Variants in PCDHA4 observed in about 807,000 individuals in gnomAD.
PCDHA4 encodes protocadherin alpha-4.
Under a neutral mutation model 61.4 loss-of-function variants are expected in PCDHA4, and 49 were observed. The observed-to-expected ratio is 0.80, with a 90% CI of 0.63 to 1.01. The LOEUF is 1.01. Ranked by LOEUF, PCDHA4 falls within the 50% of genes least tolerant of loss-of-function variation. The pLI is 0.00. For synonymous variants in PCDHA4, 590 were observed against 550.3 expected (o/e 1.07, Z -1.01); for missense variants, 1,254 against 1,235.8 (o/e 1.01, Z -0.22).
At chr5:140,838,612 A>G (rs1326287987) in intron 1 of PCDHA4, among the ~76,000 whole-genome samples, 1 of 152,002 alleles carries the variant, frequency 6.6e-6, no homozygotes, top group Non-Finnish European at 1.5e-5. Flanking sequence ...GACTTTTAAA[A>G]ATTTTTTACA....
chr5:140,911,915 G>A (rs553932242), intron 1 of PCDHA4, among the ~76,000 whole-genome samples: 3 of 152,226 alleles, frequency 2.0e-5, no homozygotes, highest in African/African-American at 7.2e-5. Flanking sequence ...CTCTCTAGAG[G>A]ACAGAACTAA....
rs1164204608 is a variant in PCDHA4, at chr5:140,808,096, T to C, written c.909T>C (p.Ile303=). ...FHIDPITGQI[I]VKGYIDFEES... is the part of the protein sequence containing the mutation. ...TAGATCCAATTACTGGACAAATTATTGTAAAGGGATATATTGACTTTGAAG... is the reference window on the plus strand; with the variant it reads ...TAGATCCAATTACTGGACAAATTATCGTAAAGGGATATATTGACTTTGAAG... Residue 303 remains isoleucine (I), a synonymous_variant, in exon 1 of 4, where the codon ATT becomes ATC. Coordinates refer to ENST00000530339, the MANE Select transcript of PCDHA4 (RefSeq NM_018907.4). 4 of 1,613,848 alleles carry C rather than the reference T, an allele frequency of 2.5e-6. No individual in the cohort carries two copies. The highest frequency in any genetic ancestry group is 3.4e-6 in the Non-Finnish European group (4 of 1,179,856).
At chr5:140,812,838 TTAACA>T (rs1299220004) in intron 1 of PCDHA4, 1 of 152,250 alleles carries the variant, frequency 6.6e-6, no homozygotes, top group Non-Finnish European at 1.5e-5. Flanking sequence ...TTTGTTTATC[TTAACA>T]TATTTTCTAA....
chr5:140,993,891 C>G (rs2097585722), intron 3 of PCDHA4, among the ~76,000 whole-genome samples: 1 of 152,096 alleles, frequency 6.6e-6, no homozygotes. Flanking sequence ...CTATGATGTC[C>G]ATACAACAAA....
rs1202247543 is a variant in PCDHA4, at chr5:140,858,682, T to A, written c.2385+49110T>A. On this transcript the variant is annotated intron_variant, in intron 1 of 3. Coordinates refer to ENST00000530339, the MANE Select transcript of PCDHA4 (RefSeq NM_018907.4). Reference sequence around the variant, plus strand: ...AAATAACAATTTATTCTGAATACACTAATATTTTCCAATACAAATATGTGA... The same window carrying A: ...AAATAACAATTTATTCTGAATACACAAATATTTTCCAATACAAATATGTGA... 35 of 617,258 alleles carry A rather than the reference T, an allele frequency of 5.7e-5. 1 individual carries two copies. The East Asian group carries it at 9.7e-4, about 17-fold the overall frequency. 38.2% of individuals were successfully genotyped at this position (617,258 alleles called of 1,614,324 possible).
Position 141,009,910 on chromosome 5 carries a change from C to G in PCDHA4, c.2817C>G (p.Asn939Lys), listed in dbSNP as rs1554262551. ...CCCAGGAGAAAAAAGAGAAAGGGAA[C>G]AGCACGACTGACAACAGTGACCAGT... The part of the protein sequence containing the change: ...NKTQEKKEKG[N>K]STTDNSDQ Residue 939 changes from asparagine to lysine, a missense_variant, in exon 4 of 4, where the codon AAC (asparagine) becomes AAG (lysine). Physicochemically the swap from Asn to Lys is moderately conservative, Grantham distance 94 (BLOSUM62 0). Transcript: ENST00000530339. 28 of 1,612,616 alleles carry G rather than the reference C, an allele frequency of 1.7e-5. No homozygotes were observed. Among genetic ancestry groups the G allele is most frequent in the African/African-American group, 5.4e-5 (4 of 74,736 alleles).
intron 1 of PCDHA4, chr5:140,864,715 T>G (rs540368944): frequency 1.3e-5 from 2 of 152,390 alleles, no homozygotes; most frequent in Non-Finnish European, 2.9e-5. Flanking sequence ...GCTCTTCTAC[T>G]ATTTTGGGAA....
chr5:140,985,930 G>A (rs577670490), intron 3 of PCDHA4, among the ~76,000 whole-genome samples: 1 of 151,914 alleles, frequency 6.6e-6, no homozygotes, highest in East Asian at 1.9e-4. Flanking sequence ...TAGTAGAGCC[G>A]GGGTTTCACT....
At chr5:140,856,264 C>G in intron 1 of PCDHA4, 2 of 1,598,114 alleles carry the variant, frequency 1.3e-6, no homozygotes, top group Non-Finnish European at 1.7e-6. Flanking sequence ...GACACGGGGA[C>G]CTTCTGGAGG....
At chr5:140,870,656 C>T (rs782506518) in intron 1 of PCDHA4, 22 of 1,612,360 alleles carry the variant, frequency 1.4e-5, no homozygotes, top group Non-Finnish European at 1.7e-6. Flanking sequence ...AAGGTGTACG[C>T]GCTGCAGCCG....
chr5:141,006,525 T>G (rs1366958955), intron 3 of PCDHA4, among the ~76,000 whole-genome samples: 1 of 152,108 alleles, frequency 6.6e-6, no homozygotes, highest in African/African-American at 2.4e-5. Context: ...TATACATCAG[T>G]TTTTAAAGAG....
At chr5:140,980,553 C>G (rs1554241953) in intron 2 of PCDHA4, among the ~76,000 whole-genome samples, 1 of 152,062 alleles carries the variant, frequency 6.6e-6, no homozygotes, top group Admixed American at 6.6e-5. Context: ...TCGCTTGAAC[C>G]CGGGAGGCGG....
intron 1 of PCDHA4, among the ~76,000 whole-genome samples, chr5:140,889,628 TTTTC>T (rs2062304515): frequency 6.6e-6 from 1 of 152,186 alleles, no homozygotes; most frequent in African/African-American, 2.4e-5. Flanking sequence ...ATTTCTCTTC[TTTTC>T]ATTTGTGTTT....
chr5:140,834,233 T>G, intron 1 of PCDHA4: 1 of 758,570 alleles, frequency 1.3e-6, no homozygotes, highest in Non-Finnish European at 2.1e-6. Flanking sequence ...AGGAAGTCAT[T>G]CCTTTTCGCA....
At chr5:140,884,539 G>A (rs782320700) in intron 1 of PCDHA4, 78 of 1,613,968 alleles carry the variant, frequency 4.8e-5, no homozygotes, top group Non-Finnish European at 6.2e-5. Flanking sequence ...GGCGGCCGAG[G>A]GTGTGCTCTG....
chr5:140,970,881 C>T (rs1316692542), intron 1 of PCDHA4, among the ~76,000 whole-genome samples: 1 of 152,050 alleles, frequency 6.6e-6, no homozygotes, highest in Non-Finnish European at 1.5e-5. Flanking sequence ...GTAGATTTTT[C>T]TCATGGACAT....
chr5:140,966,848 C>G, intron 1 of PCDHA4: 1 of 1,571,846 alleles, frequency 6.4e-7, no homozygotes, highest in Non-Finnish European at 8.6e-7. Context: ...GCTACTGCCT[C>G]TCCTGCTGCT....
At chr5:140,890,781 A>G (rs2153431855) in intron 1 of PCDHA4, among the ~76,000 whole-genome samples, 1 of 152,280 alleles carries the variant, frequency 6.6e-6, no homozygotes, top group African/African-American at 2.4e-5. Context: ...ACCCCATAAG[A>G]TATTAGTATT....
intron 1 of PCDHA4, among the ~76,000 whole-genome samples, chr5:140,827,576 C>T (rs2150148226): frequency 6.6e-6 from 1 of 152,140 alleles, no homozygotes; most frequent in African/African-American, 2.4e-5. Flanking sequence ...TATATAATAG[C>T]ATGTCCTAGG....
Sources: gnomAD v4.1 joint callset for allele counts (sites outside exome capture counted in the v4.1 genomes callset) on GRCh38, gnomAD v4.1.1 for gene constraint, MANE v1.5 for transcripts, NCBI Gene and HGNC (gene_info 2026-07-23, HGNC 2026-07-21) for gene names.